Variants in GDE1 observed in about 807,000 individuals in gnomAD.
GDE1 encodes the protein glycerophosphodiester phosphodiesterase 1, also known as RGS16-interacting membrane protein.
GDE1 carries 24 observed loss-of-function variants against 32.2 expected under a neutral mutation model. That is an observed-to-expected ratio of 0.75 (90% CI 0.54 to 1.05). GDE1 has a LOEUF of 1.05. Ranked by LOEUF, GDE1 falls within the 50% of genes least tolerant of loss-of-function variation. The pLI is 0.00. For missense variants in GDE1, 380 were observed against 415.0 expected (o/e 0.92, Z 0.73); for synonymous variants, 159 against 158.6 (o/e 1.00, Z -0.02).
chr16:19,516,153 C>G (rs879895099), intron 2 of GDE1, among the ~76,000 whole-genome samples: 4 of 152,140 alleles, frequency 2.6e-5, no homozygotes, highest in Non-Finnish European at 4.4e-5. Context: ...AGTGTATATA[C>G]TTTGGAAGCT....
At chr16:19,513,568 A>G (rs1000391769) in intron 2 of GDE1, among the ~76,000 whole-genome samples, 1 of 152,064 alleles carries the variant, frequency 6.6e-6, no homozygotes, top group Admixed American at 6.6e-5. Context: ...GTACAATCTG[A>G]CTTCCTCTTT....
At chr16:19,511,594 T>C (rs952321378) in intron 2 of GDE1, among the ~76,000 whole-genome samples, 1 of 152,196 alleles carries the variant, frequency 6.6e-6, no homozygotes, top group South Asian at 2.1e-4. Context: ...TATTTTGAAA[T>C]ATACAACAGA....
intron 3 of GDE1, among the ~76,000 whole-genome samples, chr16:19,508,269 G>T (rs902603922): frequency 6.6e-6 from 1 of 152,172 alleles, no homozygotes; most frequent in East Asian, 1.9e-4. Flanking sequence ...AAGTAATGGG[G>T]CAAGGGTAGG....
Position 19,517,142 on chromosome 16 carries a change from A to G in GDE1, c.309T>C (p.Thr103=), listed in dbSNP as rs1414793843. The part of the protein sequence containing the change: ...ATGVELDIEF[T]SDGIPVLMHD... Reference sequence around the variant, plus strand: ...GCATTAAGACAGGAATCCCGTCAGAAGTAAACTCAATGTCCAACTCCACGC... The same window carrying G: ...GCATTAAGACAGGAATCCCGTCAGAGGTAAACTCAATGTCCAACTCCACGC... The change falls in exon 2 of 6, where the codon ACT becomes ACC. Residue 103 remains threonine (T), a synonymous_variant. Coordinates refer to ENST00000353258, the MANE Select transcript of GDE1 (RefSeq NM_016641.4). 1.9e-6 allele frequency: 3 copies of G among 1,613,944 alleles called. No homozygotes were observed. The Admixed American group carries it at 5.0e-5, about 27-fold the overall frequency.
Position 19,504,902 on chromosome 16 carries a change from A to C in GDE1, c.827T>G (p.Met276Arg), listed in dbSNP as rs1969225646. ...TTACGGGGATACAAAATCCTTTTGC[A>C]TGAGGAAAGCTGAAATTCCACACAG... Reference protein sequence around the residue: ...WYLCGISAFLMQKDFVSPAYL... With the variant: ...WYLCGISAFLRQKDFVSPAYL... Residue 276 changes from methionine to arginine, a missense_variant, in exon 5 of 6, where the codon ATG (methionine) becomes AGG (arginine). Physicochemically the swap from Met to Arg is moderately conservative, Grantham distance 91. Coordinates refer to ENST00000353258, the MANE Select transcript of GDE1 (RefSeq NM_016641.4). 3 of 1,611,846 alleles carry C rather than the reference A, an allele frequency of 1.9e-6. No homozygotes were observed. Among genetic ancestry groups the C allele is most frequent in the Non-Finnish European group, 2.5e-6 (3 of 1,178,282 alleles).
chr16:19,514,323 T>C (rs879610425), intron 2 of GDE1, among the ~76,000 whole-genome samples: 7 of 152,154 alleles, frequency 4.6e-5, no homozygotes, highest in Non-Finnish European at 1.0e-4. Flanking sequence ...CCTTTCTGAG[T>C]GCTCCATCAT....
intron 3 of GDE1, 50 bp downstream of exon 3, chr16:19,510,789 T>C (rs989934097): frequency 1.5e-5 from 12 of 780,578 alleles, no homozygotes; most frequent in Admixed American, 1.3e-4. Flanking sequence ...TGACCGTCAA[T>C]GAAATAAGAT....
Position 19,504,944 on chromosome 16 carries a change from T to TG in GDE1, c.784dup (p.His262ProfsTer2). The TG allele has an allele frequency of 6.2e-7, 1 of 1,613,578 alleles. No individual in the cohort carries two copies. The highest frequency in any genetic ancestry group is 1.1e-5 in the South Asian group (1 of 91,068). ...TCCACACAGGTACCACAAGATATTA[T>TG]GCATGCTCCAATCGAGCAAAATGTC... On this transcript the variant is annotated frameshift_variant, in exon 5 of 6. Coordinates refer to ENST00000353258, the MANE Select transcript of GDE1 (RefSeq NM_016641.4). LOFTEE classifies it high-confidence loss of function.
Position 19,502,409 on chromosome 16 carries a change from T to G in GDE1, c.*1061A>C, listed in dbSNP as rs1969187925. On this transcript the variant is annotated 3_prime_UTR_variant, in exon 6 of 6. Transcript: ENST00000353258. ...TTTTTTTTTTTTTTTTTTTTAAGAGTCAGGTTCTCACTGTGCCACCAAGGT... is the reference window on the plus strand; with the variant it reads ...TTTTTTTTTTTTTTTTTTTTAAGAGGCAGGTTCTCACTGTGCCACCAAGGT... 1.4e-5 allele frequency: 2 copies of G among 142,370 alleles called. No homozygotes were observed. The highest frequency in any genetic ancestry group is 2.1e-4 in the East Asian group (1 of 4,874). The allele number at this position is 142,370 out of a possible 1,614,324, so 8.8% of individuals were successfully genotyped here. A position where few individuals can be genotyped will look rare whatever the true frequency, so the allele number is the denominator to read the frequency against.
In GDE1 at chr16:19,501,835, C is replaced by G. The variant is rs1273520496; in HGVS notation, c.*1635G>C. ...CACAAAAAAGTTTGCTTCTCATTGT[C>G]ACATAGCTATGGGGACTGGTGGCCT... On this transcript the variant is annotated 3_prime_UTR_variant, in exon 6 of 6. Transcript: ENST00000353258. The G allele has an allele frequency of 6.6e-6, 1 of 152,130 alleles. No homozygotes were observed. The highest frequency in any genetic ancestry group is 1.5e-5 in the Non-Finnish European group (1 of 68,042). The allele number at this position is 152,130 out of a possible 1,614,324, so 9.4% of individuals were successfully genotyped here.
intron 1 of GDE1, 149 bp from the exon 2 acceptor site, chr16:19,517,338 C>G: frequency 1.6e-6 from 1 of 636,032 alleles, no homozygotes; most frequent in Non-Finnish European, 2.8e-6. Context: ...CAATCCTGAT[C>G]TGTTTCTGTT....
At chr16:19,506,294 A>C (rs1597231590) in intron 4 of GDE1, among the ~76,000 whole-genome samples, 1 of 150,110 alleles carries the variant, frequency 6.7e-6, no homozygotes, top group South Asian at 2.1e-4. Context: ...CAAAACAAGG[A>C]CCCCCCCCAA....
intron 1 of GDE1, among the ~76,000 whole-genome samples, chr16:19,518,898 T>C (rs940236580): frequency 3.3e-5 from 5 of 152,182 alleles, no homozygotes; most frequent in Admixed American, 2.6e-4. Context: ...ACATCACATT[T>C]TCCCTCTGCT....
chr16:19,511,237 G>C (rs1161207243), intron 2 of GDE1, among the ~76,000 whole-genome samples: 1 of 151,906 alleles, frequency 6.6e-6, no homozygotes, highest in African/African-American at 2.4e-5. Context: ...CAAGTAGCTA[G>C]GACTACAGGC....
chr16:19,511,661 C>T (rs1028336073), intron 2 of GDE1, among the ~76,000 whole-genome samples: 1 of 152,042 alleles, frequency 6.6e-6, no homozygotes, highest in Admixed American at 6.6e-5. Context: ...TACCTTCTAT[C>T]GAACTGTATG....
At chr16:19,511,968 C>A (rs1270756395) in intron 2 of GDE1, among the ~76,000 whole-genome samples, 3 of 152,084 alleles carry the variant, frequency 2.0e-5, no homozygotes, top group African/African-American at 7.2e-5. Flanking sequence ...CATTCATCCA[C>A]TGATGAACAC....
chr16:19,506,296 C>T (rs1012108746), intron 4 of GDE1, among the ~76,000 whole-genome samples: 4 of 151,242 alleles, frequency 2.6e-5, no homozygotes, highest in African/African-American at 9.7e-5. Flanking sequence ...AAACAAGGAC[C>T]CCCCCCAAAA....
chr16:19,511,777 C>CT lies in GDE1; in HGVS notation c.438-834dup, dbSNP rs1394681189. Among the ~76,000 whole-genome samples the CT allele has an allele frequency of 1.6e-4, 24 of 152,196 alleles. 1 individual carries two copies. In the South Asian group the frequency reaches 3.1e-3, roughly 20 times the overall value. Reference sequence around the variant, plus strand: ...CTCCTCTCTACCTCCATGAGATCAACTTTTTTAGCTCCCATATATGAGTGA... The same window carrying CT: ...CTCCTCTCTACCTCCATGAGATCAACTTTTTTTAGCTCCCATATATGAGTGA... On this transcript the variant is annotated intron_variant, in intron 2 of 5. Transcript: ENST00000353258.
chr16:19,507,828 G>GGCTAA, intron 3 of GDE1, 49 bp from the exon 4 acceptor site: 1 of 860,750 alleles, frequency 1.2e-6, no homozygotes, highest in Non-Finnish European at 1.9e-6. Flanking sequence ...AAATGTGATA[G>GGCTAA]ATAGCCCCAG....
Sources: allele counts gnomAD v4.1 joint callset (sites outside exome capture counted in the v4.1 genomes callset), GRCh38; gene constraint gnomAD v4.1.1; transcripts MANE v1.5; gene names NCBI Gene and HGNC (gene_info 2026-07-23, HGNC 2026-07-21).